GAP43: variants seen among roughly 807,000 people sequenced by gnomAD.
GAP43 encodes the protein neuromodulin.
Under a neutral mutation model 18.6 loss-of-function variants are expected in GAP43, and 6 were observed. The ratio of observed to expected loss-of-function variants is 0.32; its 90% CI spans 0.18 to 0.64. The LOEUF is 0.64. Ranked by LOEUF, GAP43 falls within the 30% of genes least tolerant of loss-of-function variation. GAP43 has a pLI of 0.78. For synonymous variants in GAP43, 115 were observed against 111.4 expected (o/e 1.03, Z -0.20); for missense variants, 292 against 295.5 (o/e 0.99, Z 0.09).
chr3:115,683,138 C>CGT (rs1559800366), intron 2 of GAP43, among the ~76,000 whole-genome samples: 6 of 127,868 alleles, frequency 4.7e-5, no homozygotes, highest in African/African-American at 1.2e-4. Flanking sequence ...CGCGCGTGCG[C>CGT]GCGCGCGCGC....
intron 1 of GAP43, among the ~76,000 whole-genome samples, chr3:115,627,099 A>G (rs1325844449): frequency 1.3e-5 from 2 of 150,606 alleles, no homozygotes; most frequent in Non-Finnish European, 2.9e-5. Flanking sequence ...AAACAGAAAA[A>G]ATATTTGAAG....
intron 1 of GAP43, among the ~76,000 whole-genome samples, chr3:115,670,340 G>A (rs1218891747): frequency 6.6e-6 from 1 of 150,844 alleles, no homozygotes; most frequent in African/African-American, 2.4e-5. Context: ...CATTTTTTAT[G>A]GCTGCATAGT....
intron 1 of GAP43, among the ~76,000 whole-genome samples, chr3:115,675,113 C>T (rs1178869392): frequency 6.6e-6 from 1 of 152,014 alleles, no homozygotes; most frequent in Non-Finnish European, 1.5e-5. Context: ...AATCTGTTAC[C>T]AAGGCTGAAG....
intron 2 of GAP43, among the ~76,000 whole-genome samples, chr3:115,702,038 T>C (rs1709303345): frequency 6.6e-6 from 1 of 152,090 alleles, no homozygotes. Context: ...TGAGAGAATG[T>C]TAAGGCCAAT....
chr3:115,644,125 C>T lies in GAP43; in HGVS notation c.30+20406C>T, dbSNP rs1708430477. ...GATGAAAGAAGAATTTGGTCCTGCT[C>T]ACCACTACAAAATGCCTATTTATTT... On this transcript the variant is annotated intron_variant, in intron 1 of 2. Transcript: ENST00000305124. This position sits in a 1 kb window ranked among gnomAD's most constrained non-coding sequence, Gnocchi z 4.2. Among the ~76,000 whole-genome samples the T allele has an allele frequency of 6.6e-6, 1 of 152,178 alleles. No individual in the cohort carries two copies. Among genetic ancestry groups the T allele is most frequent in the African/African-American group, 2.4e-5 (1 of 41,562 alleles).
intron 2 of GAP43, among the ~76,000 whole-genome samples, chr3:115,683,145 GCGCACACACACA>G (rs1708982841): frequency 6.6e-5 from 7 of 105,538 alleles, no homozygotes; most frequent in East Asian, 4.6e-4. Context: ...GCGCGCGCGC[GCGCACACACACA>G]CACACACACA....
At chr3:115,697,723 T>G (rs1431732472) in intron 2 of GAP43, among the ~76,000 whole-genome samples, 1 of 152,134 alleles carries the variant, frequency 6.6e-6, no homozygotes, top group Non-Finnish European at 1.5e-5. Context: ...CACTTTTGCT[T>G]AGAAGTGAGC....
chr3:115,704,416 T>TAG (rs1470981985), intron 2 of GAP43, among the ~76,000 whole-genome samples: 1 of 152,114 alleles, frequency 6.6e-6, no homozygotes, highest in Non-Finnish European at 1.5e-5. Context: ...TGCTAACTAT[T>TAG]CAACCTTAGT....
At chr3:115,697,939 T>C (rs1478290570) in intron 2 of GAP43, among the ~76,000 whole-genome samples, 2 of 144,046 alleles carry the variant, frequency 1.4e-5, no homozygotes, top group Admixed American at 7.6e-5. Flanking sequence ...TGCGGGAGCA[T>C]TTCTTCAAAG....
At chr3:115,698,114 T>A (rs1162728299) in intron 2 of GAP43, among the ~76,000 whole-genome samples, 8 of 26,990 alleles carry the variant, frequency 3.0e-4, no homozygotes, top group Admixed American at 1.1e-3. Context: ...ATAAAATATA[T>A]AATATATATT....
chr3:115,708,940 G>GTTTTTTTTTTTTTT (rs3086974), intron 2 of GAP43, among the ~76,000 whole-genome samples: 24 of 99,788 alleles, frequency 2.4e-4, no homozygotes, highest in East Asian at 3.0e-4. Flanking sequence ...AACTGGCTGG[G>GTTTTTTTTTTTTTT]TTTTTTTTTT....
chr3:115,700,090 C>T (rs1709278191), intron 2 of GAP43, among the ~76,000 whole-genome samples: 1 of 152,162 alleles, frequency 6.6e-6, no homozygotes, highest in East Asian at 1.9e-4. Flanking sequence ...CAGCTTCTGA[C>T]AGCCAGGAGC....
At chr3:115,655,640 C>T (rs1708570803) in intron 1 of GAP43, among the ~76,000 whole-genome samples, 2 of 152,058 alleles carry the variant, frequency 1.3e-5, no homozygotes, top group Admixed American at 1.3e-4. Context: ...GCTATCAGTA[C>T]CTTCACATGT....
intron 2 of GAP43, among the ~76,000 whole-genome samples, chr3:115,703,368 G>T (rs1709321045): frequency 6.6e-6 from 1 of 152,046 alleles, no homozygotes; most frequent in African/African-American, 2.4e-5. Flanking sequence ...ATATATTTGA[G>T]ATATATTTGT....
intron 2 of GAP43, among the ~76,000 whole-genome samples, chr3:115,718,634 A>G (rs1448773831): frequency 6.6e-6 from 1 of 152,218 alleles, no homozygotes; most frequent in Non-Finnish European, 1.5e-5. Context: ...GCTATATTTT[A>G]TGAATAGCTT....
At chr3:115,665,705 G>C (rs1161841784) in intron 1 of GAP43, among the ~76,000 whole-genome samples, 1 of 152,038 alleles carries the variant, frequency 6.6e-6, no homozygotes, top group African/African-American at 2.4e-5. Context: ...CTAGATATGA[G>C]GTATATAATA....
chr3:115,669,385 C>T (rs969144193), intron 1 of GAP43, among the ~76,000 whole-genome samples: 1 of 152,132 alleles, frequency 6.6e-6, no homozygotes, highest in Admixed American at 6.5e-5. Context: ...CATCATCTTT[C>T]TGAAATAGCA....
At chr3:115,648,055 A>G (rs2107473706) in intron 1 of GAP43, among the ~76,000 whole-genome samples, 1 of 152,276 alleles carries the variant, frequency 6.6e-6, no homozygotes, top group East Asian at 1.9e-4. Context: ...GTCTCTGCCA[A>G]TACATGTGGT....
intron 2 of GAP43, among the ~76,000 whole-genome samples, chr3:115,717,113 A>C (rs1709518828): frequency 6.6e-6 from 1 of 152,050 alleles, no homozygotes; most frequent in Non-Finnish European, 1.5e-5. Flanking sequence ...ATCACCTGTA[A>C]AATGAGGCTG....
Sources: allele counts gnomAD v4.1 joint callset (sites outside exome capture counted in the v4.1 genomes callset), GRCh38; gene constraint gnomAD v4.1.1; non-coding constraint Gnocchi (gnomAD v3.1); transcripts MANE v1.5; gene names NCBI Gene and HGNC (gene_info 2026-07-23, HGNC 2026-07-21).